RHOQ: variants seen among roughly 807,000 people sequenced by gnomAD.
RHOQ encodes ras homolog family member Q, also known as rho-related GTP-binding protein RhoQ.
Under a neutral mutation model 25.8 loss-of-function variants are expected in RHOQ, and 7 were observed. The observed-to-expected ratio is 0.27, with a 90% CI of 0.15 to 0.51. The LOEUF (loss-of-function observed/expected upper bound fraction) is 0.51, where lower values mean the gene tolerates loss of function less well. RHOQ is among the 20% of genes least tolerant of loss of function. The pLI is 0.97. For missense variants in RHOQ, 165 were observed against 260.6 expected, an observed-to-expected ratio of 0.63 and a Z score of 2.53; for synonymous variants, 97 against 98.6, an observed-to-expected ratio of 0.98 and a Z score of 0.10.
intron 4 of RHOQ, among the ~76,000 whole-genome samples, chr2:46,578,895 CGT>C (rs4035765): frequency 0.42 from 62,895 of 151,394 alleles, 13,939 homozygotes; most frequent in African/African-American, 0.57. Context: ...TCATTTCACT[CGT>C]GTGTGTGTGT....
intron 2 of RHOQ, among the ~76,000 whole-genome samples, chr2:46,573,117 G>A (rs1028658350): frequency 5.4e-5 from 8 of 149,144 alleles, no homozygotes; most frequent in African/African-American, 1.7e-4. Flanking sequence ...AGGCTGTAGT[G>A]CAGTGGTACA....
chr2:46,560,429 A>G (rs1668538663), intron 2 of RHOQ: 3 of 345,870 alleles, frequency 8.7e-6, no homozygotes, highest in South Asian at 6.6e-5. Context: ...TTTTATAGTT[A>G]GAAACATAAA....
At chr2:46,558,252 C>G (rs1668463542) in intron 2 of RHOQ, among the ~76,000 whole-genome samples, 1 of 152,210 alleles carries the variant, frequency 6.6e-6, no homozygotes, top group Admixed American at 6.5e-5. Flanking sequence ...TTGCCTCTAT[C>G]TCTTGTATTA....
chr2:46,550,627 TCTAC>T (rs1301472495), intron 2 of RHOQ, among the ~76,000 whole-genome samples: 2 of 151,882 alleles, frequency 1.3e-5, no homozygotes, highest in Non-Finnish European at 2.9e-5. Flanking sequence ...GAATCCTAGT[TCTAC>T]CTCTTTGTAG....
intron 2 of RHOQ, among the ~76,000 whole-genome samples, chr2:46,575,399 TCACACACACACACACACA>T (rs56002979): frequency 2.8e-4 from 39 of 138,326 alleles, no homozygotes; most frequent in African/African-American, 9.0e-4. Flanking sequence ...CTTTAAATCT[TCACACACACACACACACA>T]CACACACACA....
In RHOQ at chr2:46,543,801, A is replaced by ACGGC; in HGVS notation, c.194_197dup (p.Gln67ArgfsTer6). 1 of 1,613,622 alleles carries ACGGC rather than the reference A, an allele frequency of 6.2e-7. No homozygotes were observed. Among genetic ancestry groups the ACGGC allele is most frequent in the Non-Finnish European group, 8.5e-7 (1 of 1,179,774 alleles). The stretch of plus-strand genomic sequence containing the variant: ...GCAGTACCTCCTAGGACTCTATGAC[A>ACGGC]CGGCCGGACAGGTGAGTGTCTTGGC... On this transcript the variant is annotated frameshift_variant, in exon 2 of 5. Coordinates refer to ENST00000238738, the MANE Select transcript of RHOQ (RefSeq NM_012249.4). LOFTEE classifies it high-confidence loss of function.
intron 2 of RHOQ, among the ~76,000 whole-genome samples, chr2:46,567,900 AAAAAT>A (rs932604890): frequency 7.9e-5 from 12 of 151,998 alleles, no homozygotes; most frequent in Non-Finnish European, 1.0e-4. Context: ...TCTACAAAAA[AAAAAT>A]AAAATAAAAA....
intron 1 of RHOQ, chr2:46,543,462 C>T (rs1463231275): frequency 3.3e-6 from 2 of 599,918 alleles, no homozygotes; most frequent in East Asian, 2.8e-5. Flanking sequence ...GACCTTCCCA[C>T]ATCCCCTTTC....
intron 2 of RHOQ, among the ~76,000 whole-genome samples, chr2:46,573,342 G>A (rs1483732281): frequency 6.6e-6 from 1 of 152,176 alleles, no homozygotes. Flanking sequence ...TTACAGGTGT[G>A]GGCCATCATG....
At chr2:46,560,070 G>T (rs913486943) in intron 2 of RHOQ, among the ~76,000 whole-genome samples, 1 of 152,132 alleles carries the variant, frequency 6.6e-6, no homozygotes, top group Non-Finnish European at 1.5e-5. Context: ...AAGCAAACTC[G>T]TTCCACCCTC....
chr2:46,547,696 G>T (rs1407549573), intron 2 of RHOQ, among the ~76,000 whole-genome samples: 1 of 152,228 alleles, frequency 6.6e-6, no homozygotes, highest in African/African-American at 2.4e-5. Flanking sequence ...CTTCCTGCCT[G>T]GGCCTCTGTG....
chr2:46,573,716 G>C (rs1213576725), intron 2 of RHOQ, among the ~76,000 whole-genome samples: 5 of 152,186 alleles, frequency 3.3e-5, no homozygotes, highest in African/African-American at 1.2e-4. Context: ...TTTATTTCTT[G>C]TCATCTCTCA....
rs763415592 is a variant in RHOQ, at chr2:46,576,511, TC to T, written c.367-49del. The T allele has an allele frequency of 6.0e-5, 72 of 1,190,142 alleles. No homozygotes were observed. The highest frequency in any genetic ancestry group is 8.3e-5 in the Non-Finnish European group (69 of 828,308). The allele number at this position is 1,190,142 out of a possible 1,614,324, so 73.7% of individuals were successfully genotyped here. ...AAGTGGGATTACATGCTTTGATTTTTCTTTAAAGATTTGTAATATTATGGGA... is the reference window on the plus strand; with the variant it reads ...AAGTGGGATTACATGCTTTGATTTTTTTTAAAGATTTGTAATATTATGGGA... On this transcript the variant is annotated intron_variant, in intron 3 of 4. Transcript: ENST00000238738. The surrounding 1 kb of genome is among the most constrained non-coding windows in gnomAD (Gnocchi z 5.1).
At chr2:46,562,985 A>ATGTGTTAAG (rs1407531411) in intron 2 of RHOQ, among the ~76,000 whole-genome samples, 1 of 152,222 alleles carries the variant, frequency 6.6e-6, no homozygotes, top group Non-Finnish European at 1.5e-5. Context: ...CAGCCAGCAC[A>ATGTGTTAAG]TGTGTTAAGT....
rs2103994878 is a variant in RHOQ, at chr2:46,555,701, A to T, written c.201+11889A>T. Among the ~76,000 whole-genome samples, 1 of 152,334 alleles carries T rather than the reference A, an allele frequency of 6.6e-6. No homozygotes were observed. The highest frequency in any genetic ancestry group is 1.9e-4 in the East Asian group (1 of 5,188). On this transcript the variant is annotated intron_variant, in intron 2 of 4. Coordinates refer to ENST00000238738, the MANE Select transcript of RHOQ (RefSeq NM_012249.4). This position sits in a 1 kb window ranked among gnomAD's most constrained non-coding sequence, Gnocchi z 4.3. ...CTATGCGCATGTACTGTTCTCCAGC[A>T]AGTCTAGACCTGTAGGAGTCCTTCA...
At chr2:46,550,239 TA>T (rs201834273) in intron 2 of RHOQ, among the ~76,000 whole-genome samples, 704 of 139,408 alleles carry the variant, frequency 5.0e-3, no homozygotes, top group Admixed American at 4.9e-3. Flanking sequence ...CGTGTTTATT[TA>T]AAAAAAAAAA....
intron 4 of RHOQ, chr2:46,580,029 A>G (rs969810835): frequency 6.6e-6 from 1 of 152,248 alleles, no homozygotes; most frequent in Non-Finnish European, 1.5e-5. Flanking sequence ...ATAGCTTCCA[A>G]CTCACCTTTC....
chr2:46,559,572 G>A (rs538093530), intron 2 of RHOQ, among the ~76,000 whole-genome samples: 1 of 152,216 alleles, frequency 6.6e-6, no homozygotes, highest in East Asian at 1.9e-4. Context: ...GCTGTCTTGT[G>A]CACTGTAGGT....
Position 46,562,282 on chromosome 2 carries a change from GC to G in RHOQ, c.202-13802del, listed in dbSNP as rs763546283. ...CCTGGGCTCAGCTGCTGCCCTCACT[GC>G]CCTGGAGAAAGAGAGGAATGACACC... On this transcript the variant is annotated intron_variant, in intron 2 of 4. Coordinates refer to ENST00000238738, the MANE Select transcript of RHOQ (RefSeq NM_012249.4). Among the ~76,000 whole-genome samples the G allele has an allele frequency of 1.1e-4, 16 of 151,864 alleles. No individual in the cohort carries two copies. The East Asian group carries it at 2.9e-3, about 28-fold the overall frequency.
Sources: gnomAD v4.1 joint callset for allele counts (sites outside exome capture counted in the v4.1 genomes callset) on GRCh38, gnomAD v4.1.1 for gene constraint, Gnocchi (gnomAD v3.1) non-coding constraint, MANE v1.5 for transcripts, NCBI Gene and HGNC (gene_info 2026-07-23, HGNC 2026-07-21) for gene names.